Variants in SLC25A48 observed in about 807,000 individuals in gnomAD.
The protein encoded by SLC25A48 is solute carrier family 25 member 48, also known as CTC-321K16.1.
A neutral mutation model predicts 32.2 loss-of-function variants in SLC25A48; 29 were observed. The ratio of observed to expected loss-of-function variants is 0.90; its 90% CI spans 0.67 to 1.23. SLC25A48 has a LOEUF of 1.23. Ranked by LOEUF, SLC25A48 falls within the 50% of genes most tolerant of loss-of-function variation. The pLI, the probability that SLC25A48 is intolerant of heterozygous loss-of-function variation, is 0.00. For synonymous variants in SLC25A48, 164 were observed against 172.3 expected (o/e 0.95, Z 0.38); for missense variants, 399 against 422.7 (o/e 0.94, Z 0.49).
chr5:135,612,230 A>T (rs964709958), intron 1 of SLC25A48, among the ~76,000 whole-genome samples: 1 of 152,252 alleles, frequency 6.6e-6, no homozygotes, highest in Admixed American at 6.5e-5. Flanking sequence ...TACCATGTTT[A>T]TGAATTGGAA....
chr5:135,834,635 G>C (rs560593908), upstream of SLC25A48: 1 of 573,430 alleles, frequency 1.7e-6, no homozygotes, highest in Non-Finnish European at 3.1e-6. Flanking sequence ...AAGGTCCACT[G>C]GGGGCGTGAT....
chr5:135,584,511 T>C (rs1751317576), intron 1 of SLC25A48, among the ~76,000 whole-genome samples: 1 of 152,244 alleles, frequency 6.6e-6, no homozygotes, highest in Non-Finnish European at 1.5e-5. Context: ...CTGATAATGG[T>C]AAAGTGAGGA....
chr5:135,660,634 T>A (rs1290442864), intron 3 of SLC25A48, among the ~76,000 whole-genome samples: 1 of 152,202 alleles, frequency 6.6e-6, no homozygotes, highest in African/African-American at 2.4e-5. Flanking sequence ...TGACTCAGGT[T>A]TTTTTTGTAT....
chr5:135,849,836 A>T (rs1759696086), intron 2 of SLC25A48, among the ~76,000 whole-genome samples: 1 of 152,114 alleles, frequency 6.6e-6, no homozygotes, highest in African/African-American at 2.4e-5. Context: ...AGGAGATGGC[A>T]TGTGGGGTGA....
At chr5:135,683,500 C>T (rs1304106269) in intron 3 of SLC25A48, among the ~76,000 whole-genome samples, 3 of 88,074 alleles carry the variant, frequency 3.4e-5, no homozygotes, top group African/African-American at 1.1e-4. Flanking sequence ...ATAAGGAATA[C>T]ATTTCTTAAA....
intron 3 of SLC25A48, among the ~76,000 whole-genome samples, chr5:135,766,493 G>T (rs931360612): frequency 6.6e-6 from 1 of 151,250 alleles, no homozygotes; most frequent in East Asian, 2.0e-4. Context: ...ATAATATCCA[G>T]GGGGGAGAGG....
At chr5:135,769,133 C>A (rs558199407) in intron 3 of SLC25A48, among the ~76,000 whole-genome samples, 1 of 151,408 alleles carries the variant, frequency 6.6e-6, no homozygotes, top group South Asian at 2.1e-4. Flanking sequence ...AATGCTATTA[C>A]TACCAATATC....
chr5:135,809,507 A>C lies in SLC25A48; in HGVS notation c.-520-3016A>C, dbSNP rs565530449. Reference sequence around the variant, plus strand: ...AATCAGGTTTATTGAAGTATAATTGATGTACAGTAAAATTTACTGTTTTTA... The same window carrying C: ...AATCAGGTTTATTGAAGTATAATTGCTGTACAGTAAAATTTACTGTTTTTA... On this transcript the variant is annotated intron_variant, in intron 3 of 10. Transcript: ENST00000646290. 3.3e-5 allele frequency among the ~76,000 whole-genome samples: 5 copies of C among 152,276 alleles called. No individual in the cohort carries two copies. In the South Asian group the frequency reaches 1.0e-3, roughly 32 times the overall value.
intron 4 of SLC25A48, among the ~76,000 whole-genome samples, chr5:135,861,461 C>T (rs550130498): frequency 6.6e-6 from 1 of 152,274 alleles, no homozygotes; most frequent in East Asian, 1.9e-4. Flanking sequence ...CACCAAGCCT[C>T]AGTTAACTCA....
intron 3 of SLC25A48, among the ~76,000 whole-genome samples, chr5:135,669,089 C>A (rs1430827250): frequency 2.0e-5 from 3 of 152,198 alleles, no homozygotes; most frequent in African/African-American, 4.8e-5. Context: ...CACACACACA[C>A]CACACCTGTT....
intron 6 of SLC25A48, among the ~76,000 whole-genome samples, chr5:135,877,025 A>G (rs1390953933): frequency 2.6e-5 from 4 of 152,202 alleles, no homozygotes; most frequent in African/African-American, 9.6e-5. Context: ...TTGTGACAGG[A>G]AAGAGTTAGA....
intron 1 of SLC25A48, among the ~76,000 whole-genome samples, chr5:135,836,755 A>T (rs1758542618): frequency 6.6e-6 from 1 of 152,172 alleles, no homozygotes; most frequent in African/African-American, 2.4e-5. Flanking sequence ...AACCCCAAAG[A>T]GGTAGGTACC....
intron 3 of SLC25A48, among the ~76,000 whole-genome samples, chr5:135,712,910 C>T (rs891058212): frequency 1.3e-5 from 2 of 152,226 alleles, no homozygotes; most frequent in African/African-American, 4.8e-5. Context: ...TCCTCCATAG[C>T]CACCATTCAG....
intron 4 of SLC25A48, among the ~76,000 whole-genome samples, chr5:135,828,337 C>T (rs373877467): frequency 6.6e-6 from 1 of 152,196 alleles, no homozygotes; most frequent in Non-Finnish European, 1.5e-5. Flanking sequence ...TGTGTTACTG[C>T]GTGCCAGTCA....
intron 7 of SLC25A48, among the ~76,000 whole-genome samples, chr5:135,886,093 T>A (rs971797865): frequency 1.3e-5 from 2 of 152,228 alleles, no homozygotes; most frequent in Non-Finnish European, 2.9e-5. Flanking sequence ...TACATCACTA[T>A]AATGATGGTG....
intron 2 of SLC25A48, among the ~76,000 whole-genome samples, chr5:135,631,471 C>A (rs141046345): frequency 1.0e-3 from 152 of 152,306 alleles, no homozygotes; most frequent in African/African-American, 3.5e-3. Flanking sequence ...TTTGGCAGCT[C>A]AAGAATTGCT....
At chr5:135,760,649 A>T (rs1756040671) in intron 3 of SLC25A48, among the ~76,000 whole-genome samples, 2 of 152,186 alleles carry the variant, frequency 1.3e-5, no homozygotes, top group African/African-American at 4.8e-5. Flanking sequence ...ATGCCATGAA[A>T]GTCTGCCATC....
intron 3 of SLC25A48, among the ~76,000 whole-genome samples, chr5:135,729,972 T>C (rs1457400552): frequency 6.6e-6 from 1 of 152,166 alleles, no homozygotes; most frequent in Admixed American, 6.5e-5. Flanking sequence ...CTCAGAGCAA[T>C]GGGCAACTTC....
intron 3 of SLC25A48, among the ~76,000 whole-genome samples, chr5:135,657,813 G>A (rs1050386412): frequency 6.6e-6 from 1 of 152,174 alleles, no homozygotes; most frequent in Non-Finnish European, 1.5e-5. Context: ...CTGACCTCCA[G>A]GGACTTCCTC....
Sources: allele counts gnomAD v4.1 joint callset (sites outside exome capture counted in the v4.1 genomes callset), GRCh38; gene constraint gnomAD v4.1.1; transcripts MANE v1.5; gene names NCBI Gene and HGNC (gene_info 2026-07-23, HGNC 2026-07-21).